Variants in TRDN observed in about 807,000 individuals in gnomAD.
The protein encoded by TRDN is triadin, also known as triadin in skeletal muscle.
Under a neutral mutation model 149.7 loss-of-function variants are expected in TRDN, and 161 were observed. That is an observed-to-expected ratio of 1.08 (90% confidence interval 0.95 to 1.23). The LOEUF (loss-of-function observed/expected upper bound fraction) is 1.23. Among genes scored for constraint, TRDN ranks in the 50% most tolerant of loss-of-function variants. TRDN has a pLI of 0.00. For missense variants in TRDN, 896 were observed against 823.5 expected (o/e 1.09, Z -1.08); for synonymous variants, 294 against 250.5 (o/e 1.17, Z -1.64).
chr6:123,283,575 G>A (rs536263243), intron 24 of TRDN, among the ~76,000 whole-genome samples: 18 of 151,666 alleles, frequency 1.2e-4, no homozygotes, highest in African/African-American at 3.9e-4. Flanking sequence ...GGAAACAAGA[G>A]AGAAGATCCA....
At chr6:123,250,320 T>C (rs1776330369) in intron 38 of TRDN, among the ~76,000 whole-genome samples, 1 of 151,986 alleles carries the variant, frequency 6.6e-6, no homozygotes, top group South Asian at 2.1e-4. Context: ...AGCACAGCTA[T>C]TTCATGAAGC....
Position 123,224,128 on chromosome 6 carries a change from T to C in TRDN, c.1979A>G (p.Asp660Gly), listed in dbSNP as rs775004516. The change falls in exon 39 of 41, where the codon GAT (aspartate) becomes GGT (glycine). Residue 660 changes from aspartate (D) to glycine (G), a missense_variant. Transcript: ENST00000334268. ...CTTTGAAGCTGGTACATCTTCAACA[T>C]CTTCTAGAGTACAGAAAAAAGGCAC... ...KAEKPARVSK[D>G]VEDVPASKKA... The C allele has an allele frequency of 6.2e-7, 1 of 1,610,256 alleles. No individual in the cohort carries two copies. The highest frequency in any genetic ancestry group is 1.1e-5 in the South Asian group (1 of 90,900).
chr6:123,506,095 A>G (rs1167023617), intron 7 of TRDN, among the ~76,000 whole-genome samples: 2 of 152,158 alleles, frequency 1.3e-5, no homozygotes, highest in African/African-American at 4.8e-5. Context: ...CCACACTGGA[A>G]TGTTTATTAG....
intron 5 of TRDN, among the ~76,000 whole-genome samples, chr6:123,519,641 A>G (rs149785109): frequency 2.2e-4 from 34 of 151,890 alleles, no homozygotes; most frequent in African/African-American, 6.3e-4. Context: ...ACATTCTTCA[A>G]TTGATGGCTA....
At chr6:123,277,507 C>A (rs1316765687) in intron 26 of TRDN, among the ~76,000 whole-genome samples, 1 of 152,048 alleles carries the variant, frequency 6.6e-6, no homozygotes, top group Non-Finnish European at 1.5e-5. Flanking sequence ...GGTCATGGGG[C>A]AGTAGGGTGG....
At chr6:123,296,196 C>T (rs970116062) in intron 24 of TRDN, among the ~76,000 whole-genome samples, 26 of 151,954 alleles carry the variant, frequency 1.7e-4, no homozygotes, top group African/African-American at 4.3e-4. Context: ...ACTTTAAGGG[C>T]GTATTAACAA....
intron 1 of TRDN, among the ~76,000 whole-genome samples, chr6:123,619,447 C>A (rs1365936765): frequency 6.6e-6 from 1 of 152,152 alleles, no homozygotes; most frequent in Non-Finnish European, 1.5e-5. Context: ...TGCCTCCAGG[C>A]TGCTTTAATT....
chr6:123,299,812 T>C (rs1478700456), intron 24 of TRDN, among the ~76,000 whole-genome samples: 5 of 152,012 alleles, frequency 3.3e-5, no homozygotes, highest in African/African-American at 4.8e-5. Context: ...ATAAGCATAG[T>C]TGGATGAGAG....
At chr6:123,406,370 A>T (rs1773189239) in intron 12 of TRDN, among the ~76,000 whole-genome samples, 1 of 152,092 alleles carries the variant, frequency 6.6e-6, no homozygotes, top group Admixed American at 6.5e-5. Context: ...ACTGCACTTG[A>T]TCTGTATCAT....
At position 123,438,927 on chromosome 6, in the gene TRDN, G is replaced by A. The variant is rs1359848160; in HGVS notation, c.991+17C>T. On this transcript the variant is annotated intron_variant, in intron 11 of 40. Transcript: ENST00000334268. Reference sequence around the variant, plus strand: ...CACTAATTGATTTATGTGGTACATGGCTTTTAAATTTCCTACCTTTCTTTT... The same window carrying A: ...CACTAATTGATTTATGTGGTACATGACTTTTAAATTTCCTACCTTTCTTTT... The A allele has an allele frequency of 5.8e-6, 9 of 1,546,254 alleles. No homozygotes were observed. Among genetic ancestry groups the A allele is most frequent in the Non-Finnish European group, 7.9e-6 (9 of 1,142,494 alleles).
chr6:123,248,402 C>G (rs150195845), intron 38 of TRDN, among the ~76,000 whole-genome samples: 1 of 151,838 alleles, frequency 6.6e-6, no homozygotes, highest in African/African-American at 2.4e-5. Flanking sequence ...ACTGAACATA[C>G]AAAAATTAGC....
chr6:123,296,795 A>T (rs1778218306), intron 24 of TRDN, among the ~76,000 whole-genome samples: 1 of 152,048 alleles, frequency 6.6e-6, no homozygotes, highest in Admixed American at 6.6e-5. Flanking sequence ...GTGTGTTAAT[A>T]TTATTTACAC....
intron 13 of TRDN, among the ~76,000 whole-genome samples, chr6:123,389,641 C>G (rs1175426881): frequency 6.6e-6 from 1 of 152,126 alleles, no homozygotes; most frequent in African/African-American, 2.4e-5. Flanking sequence ...TAATTTACCA[C>G]AGGTTATTTT....
At chr6:123,629,427 G>A (rs973126624) in intron 1 of TRDN, among the ~76,000 whole-genome samples, 3 of 152,094 alleles carry the variant, frequency 2.0e-5, no homozygotes, top group Non-Finnish European at 2.9e-5. Context: ...TGCAGCAAAT[G>A]CGTAGCAAAG....
In TRDN at chr6:123,388,549, C is replaced by T. The variant is rs1781990629; in HGVS notation, c.1108G>A (p.Ala370Thr). Residue 370 changes from alanine to threonine, a missense_variant and splice_region_variant, in exon 14 of 41, where the codon GCA becomes ACA. Coordinates refer to ENST00000334268, the MANE Select transcript of TRDN (RefSeq NM_006073.4). ...TCCTTCTTTTCATCCTTCTTAGCTG[C>T]TGCTGAAGTAATGAAAATAGCGTTA... ...QGTVKIAAQA[A>T]AKKDEKKEDS... 2 of 1,585,028 alleles carry T rather than the reference C, an allele frequency of 1.3e-6. No individual in the cohort carries two copies. Among genetic ancestry groups the T allele is most frequent in the Non-Finnish European group, 1.7e-6 (2 of 1,163,422 alleles).
chr6:123,538,365 G>A (rs969047988), intron 4 of TRDN, among the ~76,000 whole-genome samples: 7 of 152,072 alleles, frequency 4.6e-5, no homozygotes, highest in African/African-American at 1.4e-4. Flanking sequence ...ATTAAATAAT[G>A]CCAAACACAG....
At chr6:123,509,365 T>C (rs1289767545) in intron 7 of TRDN, 3 of 152,162 alleles carry the variant, frequency 2.0e-5, no homozygotes, top group Non-Finnish European at 4.4e-5. Flanking sequence ...CCATAGTGTA[T>C]ACTAAAGGTG....
chr6:123,577,840 G>A (rs1173824144), intron 1 of TRDN, among the ~76,000 whole-genome samples: 1 of 152,170 alleles, frequency 6.6e-6, no homozygotes, highest in Admixed American at 6.6e-5. Flanking sequence ...TGACTGGTGT[G>A]AGATAGTATC....
At chr6:123,585,109 A>G (rs912713150) in intron 1 of TRDN, among the ~76,000 whole-genome samples, 5 of 150,132 alleles carry the variant, frequency 3.3e-5, no homozygotes, top group African/African-American at 1.2e-4. Flanking sequence ...GTTGCCAAGG[A>G]GGGAGTAGAG....
Sources: allele counts gnomAD v4.1 joint callset (sites outside exome capture counted in the v4.1 genomes callset), GRCh38; gene constraint gnomAD v4.1.1; transcripts MANE v1.5; gene names NCBI Gene and HGNC (gene_info 2026-07-23, HGNC 2026-07-21).